The following ARHGEF28 variants were observed in gnomAD, a reference collection of about 807,000 sequenced individuals.
The protein encoded by ARHGEF28 is Rho guanine nucleotide exchange factor 28, also known as 190 kDa guanine nucleotide exchange factor.
ARHGEF28 carries 152 observed loss-of-function variants against 206.6 expected under a neutral mutation model. The ratio of observed to expected loss-of-function variants is 0.74; its 90% CI spans 0.64 to 0.84. The LOEUF is 0.84. Ranked by LOEUF, ARHGEF28 falls within the 40% of genes least tolerant of loss-of-function variation. The pLI is 0.00. For synonymous variants in ARHGEF28, 763 were observed against 776.4 expected (o/e 0.98, Z 0.29); for missense variants, 2,028 against 2,073.2 (o/e 0.98, Z 0.42).
intron 31 of ARHGEF28, chr5:73,901,503 A>G (rs1033046995): frequency 1.1e-5 from 4 of 379,164 alleles, no homozygotes; most frequent in Non-Finnish European, 9.9e-6. Context: ...AACGATTGAA[A>G]AGTTATTAAA....
At chr5:73,841,160 A>G (rs1047162535) in intron 11 of ARHGEF28, among the ~76,000 whole-genome samples, 2 of 152,220 alleles carry the variant, frequency 1.3e-5, no homozygotes, top group African/African-American at 4.8e-5. Flanking sequence ...GGAGACCTAT[A>G]TGGAGTATTA....
At chr5:73,905,649 T>C (rs995450903) in intron 33 of ARHGEF28, among the ~76,000 whole-genome samples, 1 of 152,242 alleles carries the variant, frequency 6.6e-6, no homozygotes, top group Non-Finnish European at 1.5e-5. Flanking sequence ...TTCTATTGCA[T>C]ACTTTTTAAT....
At chr5:73,804,341 C>A (rs2112503888) in intron 9 of ARHGEF28, among the ~76,000 whole-genome samples, 1 of 152,182 alleles carries the variant, frequency 6.6e-6, no homozygotes, top group Non-Finnish European at 1.5e-5. Context: ...TTTCAATATA[C>A]TTTAACTAGT....
chr5:73,839,375 T>C (rs887619499), intron 10 of ARHGEF28, among the ~76,000 whole-genome samples: 1 of 152,214 alleles, frequency 6.6e-6, no homozygotes, highest in Non-Finnish European at 1.5e-5. Flanking sequence ...ATGATGATGC[T>C]CGATGATTTA....
intron 12 of ARHGEF28, among the ~76,000 whole-genome samples, chr5:73,848,049 T>G (rs903968206): frequency 3.9e-5 from 6 of 152,232 alleles, no homozygotes; most frequent in African/African-American, 1.2e-4. Flanking sequence ...GGTCAGTTTC[T>G]GATGGTTTAA....
chr5:73,694,196 A>T (rs1045733121), intron 2 of ARHGEF28, among the ~76,000 whole-genome samples: 1 of 152,178 alleles, frequency 6.6e-6, no homozygotes, highest in African/African-American at 2.4e-5. Flanking sequence ...GCCCCCTCCT[A>T]CTGTCACAAC....
intron 4 of ARHGEF28, 67 bp from the exon 5 acceptor site, chr5:73,773,788 G>T (rs1753376386): frequency 1.4e-6 from 2 of 1,396,080 alleles, no homozygotes; most frequent in Non-Finnish European, 1.9e-6. Flanking sequence ...CTGTCCCTTT[G>T]ATAAAATGTG....
intron 31 of ARHGEF28, chr5:73,903,176 G>A (rs1471589920): frequency 6.6e-6 from 1 of 152,184 alleles, no homozygotes; most frequent in African/African-American, 2.4e-5. Flanking sequence ...AATTTAACAA[G>A]TTCAAAATTA....
chr5:73,901,161 C>A (rs1264210729), intron 30 of ARHGEF28, 23 bp from the exon 31 acceptor site: 1 of 1,603,120 alleles, frequency 6.2e-7, no homozygotes, highest in Admixed American at 1.7e-5. Flanking sequence ...CTTTTTGTTT[C>A]TGTCTCGATG....
intron 35 of ARHGEF28, among the ~76,000 whole-genome samples, chr5:73,915,678 G>A (rs1159473217): frequency 1.3e-5 from 2 of 151,990 alleles, no homozygotes; most frequent in Non-Finnish European, 2.9e-5. Flanking sequence ...TTATTCTTGT[G>A]GCTTTTTTTC....
chr5:73,785,534 C>A (rs1580614954), intron 7 of ARHGEF28, among the ~76,000 whole-genome samples: 1 of 152,142 alleles, frequency 6.6e-6, no homozygotes, highest in East Asian at 1.9e-4. Context: ...TATTCCAGAT[C>A]ATTCATGCCT....
chr5:73,817,701 G>C (rs1580660139), intron 9 of ARHGEF28, among the ~76,000 whole-genome samples: 1 of 152,314 alleles, frequency 6.6e-6, no homozygotes, highest in East Asian at 1.9e-4. Context: ...GGCTCAGAGA[G>C]GAGAAATGAG....
In ARHGEF28 at chr5:73,757,998, C is replaced by T. The variant is rs114374336; in HGVS notation, c.475+4796C>T. 4.8e-3 allele frequency among the ~76,000 whole-genome samples: 736 copies of T among 152,190 alleles called. 12 individuals are homozygous for T. Among genetic ancestry groups the T allele is most frequent in the African/African-American group, 0.017 (696 of 41,500 alleles). ...TTCTAATGTTTTATGTGTTGATGCT[C>T]AGATGACTTTGGAGTTGAAAGCCCC... On this transcript the variant is annotated intron_variant, in intron 4 of 35. Transcript: ENST00000513042.
rs1267726191 is a variant in ARHGEF28 at position 73,857,687 on chromosome 5, A to G, written c.1822A>G (p.Ile608Val). The G allele has an allele frequency of 6.3e-7, 1 of 1,596,952 alleles. No homozygotes were observed. The highest frequency in any genetic ancestry group is 1.3e-5 in the African/African-American group (1 of 74,522). Residue 608 changes from isoleucine (I) to valine (V), a missense_variant, in exon 15 of 36, where the codon ATA (isoleucine) becomes GTA (valine). Ile to Val is a conservative substitution (Grantham distance 29). Coordinates refer to ENST00000513042, the MANE Select transcript of ARHGEF28 (RefSeq NM_001177693.2). ...IQEEEWDKYIIPAKSESEKYK... is the reference protein window; with the variant it reads ...IQEEEWDKYIVPAKSESEKYK... ...GGAAGAAGAATGGGATAAATACATC[A>G]TACCTGCCAAATCAGAGTCTGAAAA... is the stretch of plus-strand genomic sequence containing the variant.
At chr5:73,674,026 G>C (rs1260625354) in intron 1 of ARHGEF28, among the ~76,000 whole-genome samples, 1 of 148,330 alleles carries the variant, frequency 6.7e-6, no homozygotes, top group Non-Finnish European at 1.5e-5. Context: ...AAAAAAAAAG[G>C]TGGGTGTGGT....
intron 3 of ARHGEF28, 49 bp downstream of exon 3, chr5:73,750,033 C>T: frequency 6.2e-7 from 1 of 1,602,444 alleles, no homozygotes; most frequent in Non-Finnish European, 8.5e-7. Context: ...CTGCAAATAA[C>T]TTCCCTCCAG....
intron 6 of ARHGEF28, among the ~76,000 whole-genome samples, chr5:73,779,024 A>G (rs779025783): frequency 2.0e-5 from 3 of 152,214 alleles, no homozygotes; most frequent in Non-Finnish European, 2.9e-5. Flanking sequence ...GTCCTGTAGA[A>G]CAATGACAGT....
intron 35 of ARHGEF28, among the ~76,000 whole-genome samples, chr5:73,915,128 C>G (rs969220493): frequency 6.6e-6 from 1 of 151,982 alleles, no homozygotes; most frequent in Non-Finnish European, 1.5e-5. Context: ...TGATTAAGGA[C>G]CAGGTTTTTG....
chr5:73,866,268 C>T (rs17553502), intron 18 of ARHGEF28, among the ~76,000 whole-genome samples: 5,204 of 152,190 alleles, frequency 0.034, 120 homozygotes, highest in South Asian at 0.073. Context: ...AAGGTATTAA[C>T]GTGTTGCTTC....
Sources: gnomAD v4.1 joint callset for allele counts (sites outside exome capture counted in the v4.1 genomes callset) on GRCh38, gnomAD v4.1.1 for gene constraint, MANE v1.5 for transcripts, NCBI Gene and HGNC (gene_info 2026-07-23, HGNC 2026-07-21) for gene names.